The following ZSCAN18 variants were observed in gnomAD, a reference collection of about 807,000 sequenced individuals.
ZSCAN18 encodes the protein zinc finger and SCAN domain-containing protein 18.
A neutral mutation model predicts 31.1 loss-of-function variants in ZSCAN18; 16 were observed. The ratio of observed to expected loss-of-function variants is 0.51; its 90% confidence interval spans 0.35 to 0.78. ZSCAN18 has a LOEUF of 0.78. Among genes scored for constraint, ZSCAN18 ranks in the 30% least tolerant of loss-of-function variants. The pLI, the probability that ZSCAN18 is intolerant of heterozygous loss-of-function variation, is 0.01. For missense variants in ZSCAN18, 731 were observed against 697.4 expected (o/e 1.05, Z -0.54); for synonymous variants, 375 against 320.7 (o/e 1.17, Z -1.81).
At chr19:58,098,975 G>C (rs895578429), upstream of ZSCAN18, among the ~76,000 whole-genome samples, 1 of 152,128 alleles carries the variant, frequency 6.6e-6, no homozygotes, top group Non-Finnish European at 1.5e-5. Context: ...TGAGGGCTTT[G>C]GCAAAGCCCC....
chr19:58,090,051 G>C lies in ZSCAN18; in HGVS notation c.217C>G (p.Leu73Val). The change falls in exon 2 of 7, where the codon CTG becomes GTG. Residue 73 changes from leucine to valine, a missense_variant. Physicochemically the swap from Leu to Val is conservative, Grantham distance 32. Transcript: ENST00000601144. The surrounding 1 kb of genome is among the most constrained non-coding windows in gnomAD (Gnocchi z 4.7). ...PHQTLARLHELCRQWLMPEAR... is the reference protein window; with the variant it reads ...PHQTLARLHEVCRQWLMPEAR... Reference sequence around the variant, plus strand: ...TCAGGCATCAGCCACTGGCGGCACAGCTCATGCAGCCGGGCCAGGGTCTGG... The same window carrying C: ...TCAGGCATCAGCCACTGGCGGCACACCTCATGCAGCCGGGCCAGGGTCTGG... The C allele has an allele frequency of 6.2e-7, 1 of 1,613,952 alleles. No individual in the cohort carries two copies. The highest frequency in any genetic ancestry group is 8.5e-7 in the Non-Finnish European group (1 of 1,180,022).
intron 1 of ZSCAN18, chr19:58,107,537 G>T: frequency 1.9e-6 from 1 of 528,356 alleles, no homozygotes; most frequent in Non-Finnish European, 2.4e-6. Context: ...CTGCAGCCTG[G>T]GTGACAAGAG....
chr19:58,085,408 GC>G, intron 6 of ZSCAN18, 29 bp from the exon 7 acceptor site: 9 of 1,540,862 alleles, frequency 5.8e-6, no homozygotes, highest in Non-Finnish European at 7.8e-6. Flanking sequence ...CCTAGCGTGA[GC>G]GCCCCGCCCA....
At chr19:58,087,476 C>A (rs1179982709) in intron 3 of ZSCAN18, 72 bp from the exon 4 acceptor site, 6 of 1,377,010 alleles carry the variant, frequency 4.4e-6, no homozygotes, top group Non-Finnish European at 6.0e-6. Flanking sequence ...GTCAAGGAGC[C>A]CCCGCTGCCT....
intron 1 of ZSCAN18, among the ~76,000 whole-genome samples, chr19:58,113,714 C>T (rs10407894): frequency 0.76 from 115,864 of 152,094 alleles, 44,840 homozygotes; most frequent in Non-Finnish European, 0.85. Context: ...CGCAGTGGCT[C>T]ACGACTATAA....
At chr19:58,110,577 G>A (rs2146026077) in intron 1 of ZSCAN18, among the ~76,000 whole-genome samples, 1 of 152,320 alleles carries the variant, frequency 6.6e-6, no homozygotes, top group Non-Finnish European at 1.5e-5. Context: ...CTCAGTGGAA[G>A]AGGCCAGAAA....
chr19:58,088,633 G>C, intron 3 of ZSCAN18, 55 bp downstream of exon 3: 1 of 1,579,316 alleles, frequency 6.3e-7, no homozygotes, highest in Non-Finnish European at 8.6e-7. Context: ...ACAGGCCTCT[G>C]CCCAACACCC....
At chr19:58,088,003 T>G (rs2145974154) in intron 3 of ZSCAN18, 1 of 153,568 alleles carries the variant, frequency 6.5e-6, no homozygotes, top group South Asian at 2.0e-4. Context: ...AGTGGGCACC[T>G]TCCGTGCTGG....
At chr19:58,085,915 C>G (rs577298255) in intron 6 of ZSCAN18, 285 of 451,932 alleles carry the variant, frequency 6.3e-4, no homozygotes, top group Non-Finnish European at 9.0e-4. Flanking sequence ...CGGCCACCCC[C>G]GGGACCAGTC....
At chr19:58,098,282 C>T (rs1037471170), upstream of ZSCAN18, 15 of 985,468 alleles carry the variant, frequency 1.5e-5, no homozygotes, top group Admixed American at 5.5e-4. Flanking sequence ...CTACGACTCC[C>T]ACAATGCCGC....
chr19:58,090,693 G>A lies in ZSCAN18; in HGVS notation c.-119-307C>T, dbSNP rs1020380080. On this transcript the variant is annotated intron_variant, in intron 1 of 6. Transcript: ENST00000601144. The surrounding 1 kb of genome is among the most constrained non-coding windows in gnomAD (Gnocchi z 4.7). ...CAACCTCTACCTCCCGGGTTCAAGC[G>A]AGTCTCCTGCCTCAGTCTCTCCAGT... 3 of 228,956 alleles carry A rather than the reference G, an allele frequency of 1.3e-5. No homozygotes were observed. Among genetic ancestry groups the A allele is most frequent in the Admixed American group, 5.2e-5 (1 of 19,320 alleles). The allele number at this position is 228,956 out of a possible 1,614,324, so 14.2% of individuals were successfully genotyped here. A position where few individuals can be genotyped will look rare whatever the true frequency, so the allele number is the denominator to read the frequency against.
At chr19:58,102,339 T>C (rs1282346981), upstream of ZSCAN18, among the ~76,000 whole-genome samples, 1 of 152,090 alleles carries the variant, frequency 6.6e-6, no homozygotes, top group Non-Finnish European at 1.5e-5. Flanking sequence ...CGGGCGCCTG[T>C]AGTCCCAGCT....
intron 1 of ZSCAN18, among the ~76,000 whole-genome samples, chr19:58,114,990 A>G (rs894302219): frequency 6.6e-6 from 1 of 152,224 alleles, no homozygotes; most frequent in African/African-American, 2.4e-5. Flanking sequence ...AAGCTGTTAA[A>G]AAACAACTAT....
chr19:58,098,198 G>C lies in ZSCAN18; in HGVS notation c.-144C>G, dbSNP rs1452964001. 3 of 985,402 alleles carry C rather than the reference G, an allele frequency of 3.0e-6. No individual in the cohort carries two copies. Among genetic ancestry groups the C allele is most frequent in the Non-Finnish European group, 3.6e-6 (3 of 830,020 alleles). 61.0% of individuals were successfully genotyped at this position (985,402 alleles called of 1,614,324 possible). On this transcript the variant is annotated 5_prime_UTR_variant, in exon 1 of 7. Coordinates refer to ENST00000601144, the MANE Select transcript of ZSCAN18 (RefSeq NM_001145543.2). ...CCTGCTGCGCAGCTACCCCAGGCCG[G>C]TCCCAGCCGCCCGGAGCCCCAGTGC...
In ZSCAN18 at chr19:58,105,350, T is replaced by G. The variant is rs11878993; in HGVS notation, c.130+12917A>C. On this transcript the variant is annotated intron_variant, in intron 1 of 1. Coordinates refer to the ZSCAN18 transcript ENST00000595721. ...TGGACCAAGGAGTAATAATTTTGCC[T>G]TTCCAGTCTTCTTATTTAAGAATGC... 8.4e-3 allele frequency among the ~76,000 whole-genome samples: 1,275 copies of G among 152,312 alleles called. 20 individuals carry two copies. Among genetic ancestry groups the G allele is most frequent in the African/African-American group, 0.029 (1,214 of 41,564 alleles).
At chr19:58,104,402 C>CA (rs35400103) in intron 1 of ZSCAN18, among the ~76,000 whole-genome samples, 1 of 130,030 alleles carries the variant, frequency 7.7e-6, no homozygotes, top group Non-Finnish European at 1.6e-5. Context: ...CAAAACAAAA[C>CA]AAAAAAAAAG....
upstream of ZSCAN18, among the ~76,000 whole-genome samples, chr19:58,102,059 T>TAC (rs773844642): frequency 2.6e-5 from 4 of 151,938 alleles, no homozygotes; most frequent in South Asian, 2.1e-4. Flanking sequence ...CACACATGCA[T>TAC]ACACACACAC....
Position 58,090,461 on chromosome 19 carries a change from G to GACACC in ZSCAN18, c.-119-80_-119-76dup. 3.0e-6 allele frequency: 4 copies of GACACC among 1,341,004 alleles called. No individual in the cohort carries two copies. Among genetic ancestry groups the GACACC allele is most frequent in the Non-Finnish European group, 4.0e-6 (4 of 1,000,502 alleles). 83.1% of individuals were successfully genotyped at this position (1,341,004 alleles called of 1,614,324 possible). Reference sequence around the variant, plus strand: ...GCCACCCCAGCTGCCAGAGAACAAAGACACCACACCCAGAGTTCACACAGA... The same window carrying GACACC: ...GCCACCCCAGCTGCCAGAGAACAAAGACACCACACCACACCCAGAGTTCACACAGA... On this transcript the variant is annotated intron_variant, in intron 1 of 6. Transcript: ENST00000601144. The surrounding 1 kb of genome is among the most constrained non-coding windows in gnomAD (Gnocchi z 4.7).
chr19:58,089,216 T>C lies in ZSCAN18; in HGVS notation c.404-379A>G, dbSNP rs113659879. Among the ~76,000 whole-genome samples the C allele has an allele frequency of 7.4e-3, 980 of 133,160 alleles. 15 individuals are homozygous for C. Among genetic ancestry groups the C allele is most frequent in the African/African-American group, 0.025 (864 of 34,918 alleles). The allele number at this position is 133,160 out of a possible 152,430, so 87.4% of individuals were successfully genotyped here. On this transcript the variant is annotated intron_variant, in intron 2 of 6. Coordinates refer to ENST00000601144, the MANE Select transcript of ZSCAN18 (RefSeq NM_001145543.2). The stretch of plus-strand genomic sequence containing the variant: ...TACTTGGGAGGCTGAGGCAGGAGAA[T>C]GGCGTGAACCCGGGAGGCGGAGCTT...
Sources: allele counts gnomAD v4.1 joint callset (sites outside exome capture counted in the v4.1 genomes callset), GRCh38; gene constraint gnomAD v4.1.1; non-coding constraint Gnocchi (gnomAD v3.1); transcripts MANE v1.5; gene names NCBI Gene and HGNC (gene_info 2026-07-23, HGNC 2026-07-21).